The following PCDHA5 variants were observed in gnomAD, a reference collection of about 807,000 sequenced individuals.
PCDHA5 encodes protocadherin alpha-5.
PCDHA5 carries 43 observed loss-of-function variants against 61.6 expected under a neutral mutation model. The ratio of observed to expected loss-of-function variants is 0.70; its 90% CI spans 0.55 to 0.90. The LOEUF (loss-of-function observed/expected upper bound fraction) is 0.90, where lower values mean the gene tolerates loss of function less well. Ranked by LOEUF, PCDHA5 falls within the 40% of genes least tolerant of loss-of-function variation. PCDHA5 has a pLI of 0.00. For synonymous variants in PCDHA5, 627 were observed against 543.9 expected, an observed-to-expected ratio of 1.15 and a Z score of -2.13; for missense variants, 1,298 against 1,222.7, an observed-to-expected ratio of 1.06 and a Z score of -0.92.
At chr5:140,964,567 A>G (rs2095840776) in intron 1 of PCDHA5, among the ~76,000 whole-genome samples, 1 of 152,080 alleles carries the variant, frequency 6.6e-6, no homozygotes. Context: ...GGCTGGGAGG[A>G]GATAAGGGGA....
chr5:140,900,432 C>T (rs782344144), intron 1 of PCDHA5, among the ~76,000 whole-genome samples: 1 of 152,178 alleles, frequency 6.6e-6, no homozygotes, highest in Non-Finnish European at 1.5e-5. Flanking sequence ...CACGTGCCAC[C>T]ACGGCCGGCT....
intron 3 of PCDHA5, among the ~76,000 whole-genome samples, chr5:140,989,984 C>T (rs907486922): frequency 3.3e-5 from 5 of 152,032 alleles, no homozygotes; most frequent in African/African-American, 1.2e-4. Context: ...ACAGCCCTGC[C>T]TGAAATTGTC....
intron 1 of PCDHA5, among the ~76,000 whole-genome samples, chr5:140,827,171 A>G (rs1444292153): frequency 1.3e-5 from 2 of 152,212 alleles, no homozygotes; most frequent in African/African-American, 4.8e-5. Context: ...AAATACCTCA[A>G]TAAAAGTCTT....
chr5:140,876,855 A>C (rs371246236), intron 1 of PCDHA5: 7 of 1,613,934 alleles, frequency 4.3e-6, no homozygotes, highest in East Asian at 2.2e-5. Flanking sequence ...CCGAGTACAC[A>C]GTGTTCGTGA....
intron 1 of PCDHA5, chr5:140,870,429 G>T (rs1198109995): frequency 6.2e-7 from 1 of 1,614,238 alleles, no homozygotes; most frequent in African/African-American, 1.3e-5. Flanking sequence ...GGGTATCCGT[G>T]GAGGTGGCCG....
rs1407676200 is a variant in PCDHA5 at position 140,843,151 on chromosome 5, G to A, written c.2352+19024G>A. 6 of 1,596,104 alleles carry A rather than the reference G, an allele frequency of 3.8e-6. 1 individual carries two copies. The highest frequency in any genetic ancestry group is 5.1e-6 in the Non-Finnish European group (6 of 1,165,608). On this transcript the variant is annotated intron_variant, in intron 1 of 3. Coordinates refer to ENST00000529859, the MANE Select transcript of PCDHA5 (RefSeq NM_018908.3). ...GCTACAACGCGTGGCTTTCGTATGA[G>A]CTGCAGCCAGCTGCAAGCAGCCCTC...
At chr5:140,830,108 G>A (rs1472585258) in intron 1 of PCDHA5, 2 of 1,613,452 alleles carry the variant, frequency 1.2e-6, no homozygotes, top group African/African-American at 2.7e-5. Flanking sequence ...GGTGGAGAGT[G>A]GCCAGGCTCC....
intron 1 of PCDHA5, chr5:140,928,289 G>C (rs1554205708): frequency 6.2e-7 from 1 of 1,614,170 alleles, no homozygotes; most frequent in Non-Finnish European, 8.5e-7. Flanking sequence ...TCTCTAGGCC[G>C]AGTGTTTGCC....
chr5:140,841,545 T>C lies in PCDHA5; in HGVS notation c.2352+17418T>C, dbSNP rs1554138308. ...GCGTCCAAAAGACACCGGGACCTTC[T>C]GGAGGTAAGTCTGCAGAATGGCATT... On this transcript the variant is annotated intron_variant, in intron 1 of 3. Coordinates refer to ENST00000529859, the MANE Select transcript of PCDHA5 (RefSeq NM_018908.3). 1 of 1,613,752 alleles carries C rather than the reference T, an allele frequency of 6.2e-7. No homozygotes were observed.
chr5:140,998,240 A>G (rs2097802500), intron 3 of PCDHA5, among the ~76,000 whole-genome samples: 1 of 152,188 alleles, frequency 6.6e-6, no homozygotes, highest in Non-Finnish European at 1.5e-5. Context: ...GTGCATTATT[A>G]TACTCATTTT....
At chr5:141,002,757 A>G (rs1234528731) in intron 3 of PCDHA5, among the ~76,000 whole-genome samples, 1 of 152,224 alleles carries the variant, frequency 6.6e-6, no homozygotes, top group African/African-American at 2.4e-5. Context: ...CAACCCTGTG[A>G]TGTAGACAGG....
chr5:140,873,548 T>C lies in PCDHA5; in HGVS notation c.2352+49421T>C, dbSNP rs1434309989. ...GCATTCTATGGTATAAAATTATAAT[T>C]TCAATTTATTTTCTAGTTTGGTTGT... On this transcript the variant is annotated intron_variant, in intron 1 of 3. Coordinates refer to ENST00000529859, the MANE Select transcript of PCDHA5 (RefSeq NM_018908.3). Among the ~76,000 whole-genome samples, 5 of 151,990 alleles carry C rather than the reference T, an allele frequency of 3.3e-5. No individual in the cohort carries two copies. In the East Asian group the frequency reaches 7.7e-4, roughly 23 times the overall value.
chr5:140,857,878 G>A (rs2044977263), intron 1 of PCDHA5: 5 of 1,597,814 alleles, frequency 3.1e-6, no homozygotes, highest in East Asian at 4.5e-5. Context: ...CGTATGAATT[G>A]CAGTCGGCGG....
chr5:140,876,087 G>A, intron 1 of PCDHA5: 4 of 1,613,922 alleles, frequency 2.5e-6, no homozygotes, highest in Non-Finnish European at 2.5e-6. Context: ...GAGAGCAAAC[G>A]CCAAAACTCA....
chr5:140,979,882 A>C (rs1554241172), intron 2 of PCDHA5, among the ~76,000 whole-genome samples: 1 of 152,274 alleles, frequency 6.6e-6, no homozygotes, highest in Non-Finnish European at 1.5e-5. Context: ...TATCAAGTGA[A>C]TATTCACCAA....
intron 1 of PCDHA5, among the ~76,000 whole-genome samples, chr5:140,900,805 G>C (rs1554189444): frequency 6.6e-6 from 1 of 152,118 alleles, no homozygotes; most frequent in Non-Finnish European, 1.5e-5. Context: ...CATAGTGCTT[G>C]TACTAATTTA....
At chr5:141,006,813 T>C (rs1171771789) in intron 3 of PCDHA5, among the ~76,000 whole-genome samples, 1 of 152,018 alleles carries the variant, frequency 6.6e-6, no homozygotes, top group African/African-American at 2.4e-5. Flanking sequence ...GCTTGAGAAA[T>C]GGGGTAAATG....
At chr5:140,857,991 T>A (rs1554150990) in intron 1 of PCDHA5, 1 of 1,596,560 alleles carries the variant, frequency 6.3e-7, no homozygotes. Context: ...CGCCTACTGG[T>A]GCTGGTGAAG....
In PCDHA5 at chr5:140,894,570, T is replaced by G. The variant is rs558111947; in HGVS notation, c.2352+70443T>G. ...TTTACTTCTGAAAAAATTATTTTCC[T>G]TTTTTTTAATATTTTACTGAGTTTT... On this transcript the variant is annotated intron_variant, in intron 1 of 3. Coordinates refer to ENST00000529859, the MANE Select transcript of PCDHA5 (RefSeq NM_018908.3). Among the ~76,000 whole-genome samples the G allele has an allele frequency of 1.5e-4, 23 of 151,856 alleles. No individual in the cohort carries two copies. The South Asian group carries it at 4.4e-3, about 29-fold the overall frequency.
Sources: gnomAD v4.1 joint callset for allele counts (sites outside exome capture counted in the v4.1 genomes callset) on GRCh38, gnomAD v4.1.1 for gene constraint, MANE v1.5 for transcripts, NCBI Gene and HGNC (gene_info 2026-07-23, HGNC 2026-07-21) for gene names.